Variants in UBTD2 observed in about 807,000 individuals in gnomAD.
The protein encoded by UBTD2 is ubiquitin domain-containing protein 2.
A neutral mutation model predicts 19.8 loss-of-function variants in UBTD2; 9 were observed. That is an observed-to-expected ratio of 0.46 (90% CI 0.27 to 0.79). The LOEUF is 0.79. Among genes scored for constraint, UBTD2 ranks in the 30% least tolerant of loss-of-function variants. The pLI, the probability that UBTD2 is intolerant of heterozygous loss-of-function variation, is 0.14. For synonymous variants in UBTD2, 98 were observed against 103.9 expected, an observed-to-expected ratio of 0.94 and a Z score of 0.35; for missense variants, 250 against 300.4, an observed-to-expected ratio of 0.83 and a Z score of 1.24.
intron 1 of UBTD2, among the ~76,000 whole-genome samples, chr5:172,257,712 T>G (rs1041399323): frequency 6.6e-6 from 1 of 152,252 alleles, no homozygotes; most frequent in Admixed American, 6.5e-5. Context: ...TTTATATTTT[T>G]TTAAAACACA....
At chr5:172,228,038 T>C (rs1488779995) in intron 2 of UBTD2, among the ~76,000 whole-genome samples, 2 of 152,172 alleles carry the variant, frequency 1.3e-5, no homozygotes, top group Admixed American at 6.5e-5. Context: ...TGCTTCTTAA[T>C]GGGCCTCTGA....
intron 1 of UBTD2, among the ~76,000 whole-genome samples, chr5:172,272,788 C>A (rs755672181): frequency 6.6e-6 from 1 of 152,160 alleles, no homozygotes; most frequent in African/African-American, 2.4e-5. Context: ...CTATTAAAAT[C>A]TGTCCAAAGA....
chr5:172,244,605 GT>G (rs1343221219), intron 1 of UBTD2, among the ~76,000 whole-genome samples: 2 of 151,976 alleles, frequency 1.3e-5, no homozygotes, highest in African/African-American at 4.8e-5. Context: ...GCCCCTCCCA[GT>G]TTTTGGTGTT....
intron 1 of UBTD2, among the ~76,000 whole-genome samples, chr5:172,281,060 G>A (rs1755705541): frequency 6.6e-6 from 1 of 152,146 alleles, no homozygotes; most frequent in African/African-American, 2.4e-5. Context: ...CACTGTGAAT[G>A]TAATTATTTT....
intron 2 of UBTD2, among the ~76,000 whole-genome samples, chr5:172,233,586 A>G (rs1445462552): frequency 6.6e-6 from 1 of 152,186 alleles, no homozygotes; most frequent in Non-Finnish European, 1.5e-5. Flanking sequence ...GGCTACAATC[A>G]TGGAAAACTG....
At chr5:172,263,564 G>A (rs1310019961) in intron 1 of UBTD2, among the ~76,000 whole-genome samples, 1 of 152,210 alleles carries the variant, frequency 6.6e-6, no homozygotes, top group Non-Finnish European at 1.5e-5. Flanking sequence ...GGAGGTTGAG[G>A]CAGGCGGATC....
intron 1 of UBTD2, among the ~76,000 whole-genome samples, chr5:172,242,774 G>A (rs1772158268): frequency 6.6e-6 from 1 of 152,080 alleles, no homozygotes; most frequent in Non-Finnish European, 1.5e-5. Flanking sequence ...TATATCTATT[G>A]ATGATCCTTA....
intron 1 of UBTD2, among the ~76,000 whole-genome samples, chr5:172,281,788 G>A (rs1755721983): frequency 1.3e-5 from 2 of 152,112 alleles, no homozygotes; most frequent in South Asian, 4.1e-4. Context: ...CCTGACCCCA[G>A]TTACATCAGG....
Position 172,212,050 on chromosome 5 carries a change from TTGCC to T in UBTD2, c.481_484del (p.Gly161LysfsTer16). On this transcript the variant is annotated frameshift_variant, in exon 3 of 3. Transcript: ENST00000393792. LOFTEE classifies it high-confidence loss of function. Reference sequence around the variant, plus strand: ...GCTGCGAACCACAAGCTTGAGGTCTTTGCCTGTGGAAAGGCGCAAACGAAGCTGA... The same window carrying T: ...GCTGCGAACCACAAGCTTGAGGTCTTTGTGGAAAGGCGCAAACGAAGCTGA... 6.2e-7 allele frequency: 1 copy of T among 1,614,248 alleles called. No homozygotes were observed. The highest frequency in any genetic ancestry group is 8.5e-7 in the Non-Finnish European group (1 of 1,180,044).
In UBTD2 at chr5:172,255,131, G is replaced by A. The variant is rs2113079273; in HGVS notation, c.71-20773C>T. On this transcript the variant is annotated intron_variant, in intron 1 of 2. Coordinates refer to ENST00000393792, the MANE Select transcript of UBTD2 (RefSeq NM_152277.3). ...AAGGGGATGAGTATTTTCATTGGTG[G>A]GCTGGAAGAAGGCATGCTCAACCCA... 8.6e-6 allele frequency: 4 copies of A among 466,074 alleles called. No individual in the cohort carries two copies. In the East Asian group the frequency reaches 2.1e-4, roughly 24 times the overall value. 28.9% of individuals were successfully genotyped at this position (466,074 alleles called of 1,614,324 possible). A position where few individuals can be genotyped will look rare whatever the true frequency, so the allele number is the denominator to read the frequency against.
At chr5:172,231,171 A>G (rs1430419652) in intron 2 of UBTD2, among the ~76,000 whole-genome samples, 1 of 152,230 alleles carries the variant, frequency 6.6e-6, no homozygotes, top group Non-Finnish European at 1.5e-5. Context: ...AAAGCATACA[A>G]TAGCCTAGTT....
At chr5:172,256,984 TTTC>T (rs1200064335) in intron 1 of UBTD2, among the ~76,000 whole-genome samples, 114 of 149,804 alleles carry the variant, frequency 7.6e-4, no homozygotes, top group Non-Finnish European at 1.3e-3. Flanking sequence ...AATTCTTTTT[TTTC>T]TTCTTCTTCC....
chr5:172,278,077 G>A (rs577805150), intron 1 of UBTD2, among the ~76,000 whole-genome samples: 2 of 152,108 alleles, frequency 1.3e-5, no homozygotes, highest in Admixed American at 1.3e-4. Context: ...TACACTGCTG[G>A]TAAGAATAAG....
intron 1 of UBTD2, among the ~76,000 whole-genome samples, chr5:172,263,353 G>A (rs1755310755): frequency 6.6e-6 from 1 of 152,172 alleles, no homozygotes. Flanking sequence ...CAAGAGTTGG[G>A]AAGGGAGACT....
intron 1 of UBTD2, among the ~76,000 whole-genome samples, 168 bp from the exon 2 acceptor site, chr5:172,234,526 C>T (rs745977846): frequency 4.6e-5 from 7 of 152,144 alleles, no homozygotes; most frequent in Non-Finnish European, 8.8e-5. Flanking sequence ...TTTGGAACTA[C>T]AAAAGTGAAT....
At chr5:172,244,583 C>T (rs907299010) in intron 1 of UBTD2, among the ~76,000 whole-genome samples, 1 of 152,024 alleles carries the variant, frequency 6.6e-6, no homozygotes, top group Non-Finnish European at 1.5e-5. Context: ...CAGATGTAAG[C>T]CACTGCGCCC....
intron 2 of UBTD2, among the ~76,000 whole-genome samples, chr5:172,220,089 T>C (rs1432378644): frequency 1.3e-5 from 2 of 152,158 alleles, no homozygotes; most frequent in African/African-American, 4.8e-5. Context: ...CTCAACAAAA[T>C]ATTAATGAAT....
chr5:172,219,922 G>T (rs1311961629), intron 2 of UBTD2, among the ~76,000 whole-genome samples: 1 of 152,172 alleles, frequency 6.6e-6, no homozygotes, highest in Non-Finnish European at 1.5e-5. Context: ...TCCACTGGGG[G>T]TTCTGGAACA....
chr5:172,283,535 A>T lies in UBTD2; in HGVS notation c.70+61T>A. The stretch of plus-strand genomic sequence containing the variant: ...CGGCGCGGCCCGCGGGGGTCGGGAC[A>T]GGTGGCCGGGCCTGGCCGGGAACAA... On this transcript the variant is annotated intron_variant, in intron 1 of 2. Coordinates refer to ENST00000393792, the MANE Select transcript of UBTD2 (RefSeq NM_152277.3). The surrounding 1 kb of genome is among the most constrained non-coding windows in gnomAD (Gnocchi z 4.3). The T allele has an allele frequency of 8.1e-7, 1 of 1,232,692 alleles. No homozygotes were observed. Among genetic ancestry groups the T allele is most frequent in the Non-Finnish European group, 1.0e-6 (1 of 973,440 alleles). The allele number at this position is 1,232,692 out of a possible 1,614,324, so 76.4% of individuals were successfully genotyped here. A position where few individuals can be genotyped will look rare whatever the true frequency, so the allele number is the denominator to read the frequency against.
Sources: allele counts gnomAD v4.1 joint callset (sites outside exome capture counted in the v4.1 genomes callset), GRCh38; gene constraint gnomAD v4.1.1; non-coding constraint Gnocchi (gnomAD v3.1); transcripts MANE v1.5; gene names NCBI Gene and HGNC (gene_info 2026-07-23, HGNC 2026-07-21).